Variants in BRD10 observed in about 807,000 individuals in gnomAD.
BRD10 encodes the protein uncharacterized bromodomain-containing protein 10.
chr9:5,937,040 G>A, the BRD10 span, among the ~76,000 whole-genome samples: 5 of 151,806 alleles, frequency 3.3e-5, no homozygotes, highest in African/African-American at 1.2e-4. Context: ...CACCAGCCTG[G>A]CAAATATAGT....
the BRD10 span, chr9:6,008,039 C>T: frequency 7.8e-6 from 9 of 1,150,670 alleles, no homozygotes; most frequent in East Asian, 1.7e-4. Context: ...TCTCCCCTCC[C>T]CCCCGGCGGC....
chr9:5,954,675 T>G, the BRD10 span, among the ~76,000 whole-genome samples: 1 of 152,242 alleles, frequency 6.6e-6, no homozygotes, highest in Non-Finnish European at 1.5e-5. Flanking sequence ...ACCTAGTTAT[T>G]TGTGGAATCA....
At chr9:5,982,282 G>A in the BRD10 span, among the ~76,000 whole-genome samples, 2 of 152,192 alleles carry the variant, frequency 1.3e-5, no homozygotes, top group South Asian at 4.2e-4. Context: ...TTCAGACACT[G>A]GACAAACAGT....
the BRD10 span, among the ~76,000 whole-genome samples, chr9:6,005,071 G>A: frequency 6.6e-6 from 1 of 152,176 alleles, no homozygotes; most frequent in Non-Finnish European, 1.5e-5. Context: ...CTACAATGTT[G>A]TAAGTTTAAT....
the BRD10 span, chr9:5,890,972 T>C: frequency 6.6e-6 from 1 of 152,164 alleles, no homozygotes; most frequent in Non-Finnish European, 1.5e-5. Context: ...ATCATAGTCC[T>C]CTTCTCCCAG....
At chr9:5,985,883 C>T in the BRD10 span, among the ~76,000 whole-genome samples, 1 of 151,944 alleles carries the variant, frequency 6.6e-6, no homozygotes, top group Non-Finnish European at 1.5e-5. Context: ...TCTTCTATAA[C>T]AGAAGTACAA....
chr9:5,908,410 G>C, the BRD10 span, among the ~76,000 whole-genome samples: 1 of 152,122 alleles, frequency 6.6e-6, no homozygotes, highest in South Asian at 2.1e-4. Flanking sequence ...CTAAGCTTTT[G>C]AGATTTTGGG....
At chr9:5,908,571 A>G in the BRD10 span, 1 of 1,310,458 alleles carries the variant, frequency 7.6e-7, no homozygotes, top group Non-Finnish European at 1.1e-6. Flanking sequence ...TAACTATTTT[A>G]ACTTAATCCC....
At chr9:5,947,281 T>G in the BRD10 span, among the ~76,000 whole-genome samples, 1 of 152,134 alleles carries the variant, frequency 6.6e-6, no homozygotes. Flanking sequence ...AGGTGAGACC[T>G]TGGATTCTGC....
chr9:5,887,567 C>A, the BRD10 span, among the ~76,000 whole-genome samples: 1 of 152,212 alleles, frequency 6.6e-6, no homozygotes, highest in Non-Finnish European at 1.5e-5. Context: ...CAGCTCAGTG[C>A]AATGGACTTT....
chr9:5,984,963 G>GAAAAA, the BRD10 span, among the ~76,000 whole-genome samples: 1 of 144,976 alleles, frequency 6.9e-6, no homozygotes, highest in Non-Finnish European at 1.5e-5. Context: ...AAACGAATTT[G>GAAAAA]AAAAAAAAAA....
chr9:5,915,451 A>C, the BRD10 span, among the ~76,000 whole-genome samples: 1 of 152,220 alleles, frequency 6.6e-6, no homozygotes, highest in African/African-American at 2.4e-5. Flanking sequence ...TTTGCTTCAA[A>C]AGCTTCAGTA....
At chr9:5,952,158 T>A in the BRD10 span, among the ~76,000 whole-genome samples, 4 of 151,984 alleles carry the variant, frequency 2.6e-5, no homozygotes, top group Non-Finnish European at 5.9e-5. Flanking sequence ...GTAGATGGGA[T>A]TACAGGCACA....
chr9:5,921,062 G>T, the BRD10 span: 2 of 1,613,886 alleles, frequency 1.2e-6, no homozygotes, highest in East Asian at 2.2e-5. Flanking sequence ...TCTTGCTGAA[G>T]AAACCACTGA....
chr9:5,970,868 G>A, the BRD10 span, among the ~76,000 whole-genome samples: 4 of 151,766 alleles, frequency 2.6e-5, no homozygotes, highest in Non-Finnish European at 4.4e-5. Flanking sequence ...CCAGGCCAAC[G>A]TGGTAAAACC....
At chr9:6,007,523 A>G in the BRD10 span, 1 of 1,612,814 alleles carries the variant, frequency 6.2e-7, no homozygotes, top group Non-Finnish European at 8.5e-7. Context: ...TCCTGCAGGA[A>G]CTCGCCCAGG....
At chr9:5,879,731 C>T in the BRD10 span, among the ~76,000 whole-genome samples, 1 of 152,136 alleles carries the variant, frequency 6.6e-6, no homozygotes, top group Non-Finnish European at 1.5e-5. Flanking sequence ...AGATACAGAA[C>T]CAGATAATCT....
chr9:6,004,594 T>G, the BRD10 span, among the ~76,000 whole-genome samples: 1 of 152,228 alleles, frequency 6.6e-6, no homozygotes, highest in South Asian at 2.1e-4. Flanking sequence ...GTTCCTTTAG[T>G]GTCTTACAAA....
chr9:5,913,403 G>A, the BRD10 span, among the ~76,000 whole-genome samples: 19 of 152,232 alleles, frequency 1.2e-4, no homozygotes, highest in South Asian at 4.1e-4. Flanking sequence ...TCAAGTAACC[G>A]GCGCCAAAAA....
Sources: allele counts gnomAD v4.1 joint callset (sites outside exome capture counted in the v4.1 genomes callset), GRCh38; gene constraint gnomAD v4.1.1; transcripts MANE v1.5; gene names NCBI Gene and HGNC (gene_info 2026-07-23, HGNC 2026-07-21).